ZNF264: variants seen among roughly 807,000 people sequenced by gnomAD.
ZNF264 encodes the protein zinc finger protein 264.
Under a neutral mutation model 11.2 loss-of-function variants are expected in ZNF264, and 11 were observed. The observed-to-expected ratio is 0.98, with a 90% CI of 0.62 to 1.63. The LOEUF (loss-of-function observed/expected upper bound fraction) is 1.63. Among genes scored for constraint, ZNF264 ranks in the 40% most tolerant of loss-of-function variants. ZNF264 has a pLI of 0.00. For synonymous variants in ZNF264, 309 were observed against 279.8 expected (o/e 1.10, Z -1.04); for missense variants, 752 against 768.1 (o/e 0.98, Z 0.25).
chr19:57,192,587 C>T, intron 1 of ZNF264: 1 of 984,962 alleles, frequency 1.0e-6, no homozygotes, highest in South Asian at 4.7e-5. Context: ...TGTGGAATTT[C>T]CTTGGGGGAT....
intron 1 of ZNF264, chr19:57,193,416 T>G: frequency 2.6e-6 from 2 of 757,740 alleles, no homozygotes; most frequent in Non-Finnish European, 3.2e-6. Context: ...ATGCTGTCTT[T>G]GAGGTAAGAG....
At chr19:57,191,969 G>T in intron 1 of ZNF264, 23 bp downstream of exon 1, 1 of 1,527,986 alleles carries the variant, frequency 6.5e-7, no homozygotes, top group Non-Finnish European at 8.8e-7. Context: ...TGGCTTCGCG[G>T]TTGCCGCTTC....
At chr19:57,209,927 A>G (rs894004823) in intron 3 of ZNF264, among the ~76,000 whole-genome samples, 4 of 151,968 alleles carry the variant, frequency 2.6e-5, no homozygotes, top group Admixed American at 2.0e-4. Context: ...CAGCCTGGCC[A>G]TTGGTCATGT....
rs1166544767 is a variant in ZNF264 at position 57,213,209 on chromosome 19, A to C, written c.*228A>C. The stretch of plus-strand genomic sequence containing the variant: ...AGGGGACATAGAAAAAATGAAATGC[A>C]AGCACACATCTTTTCAGGCTTCTCT... On this transcript the variant is annotated 3_prime_UTR_variant, in exon 4 of 4. Coordinates refer to ENST00000263095, the MANE Select transcript of ZNF264 (RefSeq NM_003417.5). The C allele has an allele frequency of 2.4e-6, 1 of 424,542 alleles. No individual in the cohort carries two copies. Among genetic ancestry groups the C allele is most frequent in the Non-Finnish European group, 4.2e-6 (1 of 240,938 alleles). The allele number at this position is 424,542 out of a possible 1,614,324, so 26.3% of individuals were successfully genotyped here. A position where few individuals can be genotyped will look rare whatever the true frequency, so the allele number is the denominator to read the frequency against.
intron 3 of ZNF264, among the ~76,000 whole-genome samples, chr19:57,208,445 G>A (rs1316051936): frequency 6.6e-6 from 1 of 152,114 alleles, no homozygotes; most frequent in East Asian, 1.9e-4. Context: ...TCAGGAGGCT[G>A]AGGTGGGAGG....
rs1189049943 is a variant in ZNF264, at chr19:57,215,183, A to G, written c.*2202A>G. ...CATGTTTGATGACCTCTAGTCAACC[A>G]TTGGGCCAGAGATTTTTCTTCTGGA... On this transcript the variant is annotated 3_prime_UTR_variant, in exon 4 of 4. Coordinates refer to ENST00000263095, the MANE Select transcript of ZNF264 (RefSeq NM_003417.5). 2 of 152,176 alleles carry G rather than the reference A, an allele frequency of 1.3e-5. No individual in the cohort carries two copies. The highest frequency in any genetic ancestry group is 2.9e-5 in the Non-Finnish European group (2 of 68,038). 9.4% of individuals were successfully genotyped at this position (152,176 alleles called of 1,614,324 possible).
At position 57,212,050 on chromosome 19, in the gene ZNF264, C is replaced by A. The variant is rs764201682; in HGVS notation, c.953C>A (p.Thr318Lys). 6.2e-7 allele frequency: 1 copy of A among 1,613,802 alleles called. No individual in the cohort carries two copies. Among genetic ancestry groups the A allele is most frequent in the Middle Eastern group, 1.7e-4 (1 of 6,052 alleles). Residue 318 changes from threonine (T) to lysine (K), a missense_variant, in exon 4 of 4, where the codon ACA becomes AAA. Coordinates refer to ENST00000263095, the MANE Select transcript of ZNF264 (RefSeq NM_003417.5). ...RHTGEKSFVCTECGQVFRHRP... is the reference protein window; with the variant it reads ...RHTGEKSFVCKECGQVFRHRP... ...ACTGGAGAAAAATCCTTTGTGTGCA[C>A]AGAATGTGGCCAAGTCTTTCGACAT... is the stretch of plus-strand genomic sequence containing the variant.
intron 2 of ZNF264, among the ~76,000 whole-genome samples, chr19:57,204,148 G>A (rs922782711): frequency 7.9e-5 from 12 of 151,430 alleles, no homozygotes; most frequent in Admixed American, 2.6e-4. Context: ...CCCGGGAGGC[G>A]GAGCTTGCAG....
chr19:57,204,842 G>A (rs1215562107), intron 2 of ZNF264, among the ~76,000 whole-genome samples: 2 of 152,116 alleles, frequency 1.3e-5, no homozygotes, highest in African/African-American at 4.8e-5. Context: ...GTAGCGTTGT[G>A]GAGCTTTGTG....
chr19:57,207,945 C>T (rs2087306124), intron 3 of ZNF264, among the ~76,000 whole-genome samples: 2 of 152,030 alleles, frequency 1.3e-5, no homozygotes, highest in African/African-American at 2.4e-5. Context: ...AGGCTGGTCT[C>T]GAACTCCTGA....
At chr19:57,193,767 T>A in intron 1 of ZNF264, 108 bp from the exon 2 acceptor site, 1 of 1,480,964 alleles carries the variant, frequency 6.8e-7, no homozygotes, top group Non-Finnish European at 9.2e-7. Flanking sequence ...CAGGAGGTGC[T>A]CTGTGATTCA....
intron 1 of ZNF264, 193 bp from the exon 2 acceptor site, chr19:57,193,682 G>C: frequency 1.6e-6 from 1 of 623,408 alleles, no homozygotes; most frequent in Non-Finnish European, 2.0e-6. Flanking sequence ...TAAATAGGAG[G>C]CTTCTCTCCT....
intron 2 of ZNF264, among the ~76,000 whole-genome samples, chr19:57,197,262 A>T (rs1407808509): frequency 1.3e-5 from 2 of 151,708 alleles, no homozygotes; most frequent in Non-Finnish European, 1.5e-5. Flanking sequence ...TCATCTGATG[A>T]TGGAATGCTG....
intron 3 of ZNF264, among the ~76,000 whole-genome samples, chr19:57,208,010 G>GCC (rs1389820803): frequency 1.3e-5 from 2 of 151,982 alleles, no homozygotes; most frequent in African/African-American, 2.4e-5. Flanking sequence ...ACAGGTGTGA[G>GCC]CCACTGCGCC....
Position 57,203,459 on chromosome 19 carries a change from G to A in ZNF264, c.161-1938G>A, listed in dbSNP as rs549737519. Among the ~76,000 whole-genome samples, 8 of 152,286 alleles carry A rather than the reference G, an allele frequency of 5.3e-5. No individual in the cohort carries two copies. The South Asian group carries it at 1.2e-3, about 24-fold the overall frequency. On this transcript the variant is annotated intron_variant, in intron 2 of 3. Transcript: ENST00000263095. ...GCAACGTCAAGAAAATATGACTACTGTATTTTCATCTGACATGAACCTAAA... is the reference window on the plus strand; with the variant it reads ...GCAACGTCAAGAAAATATGACTACTATATTTTCATCTGACATGAACCTAAA...
At position 57,192,067 on chromosome 19, in the gene ZNF264, G is replaced by T. The variant is rs544641317; in HGVS notation, c.33+121G>T. The T allele has an allele frequency of 5.4e-4, 533 of 995,538 alleles. 1 individual carries two copies. The highest frequency in any genetic ancestry group is 6.9e-4 in the Non-Finnish European group (508 of 740,380). 61.7% of individuals were successfully genotyped at this position (995,538 alleles called of 1,614,324 possible). On this transcript the variant is annotated intron_variant, in intron 1 of 3. Transcript: ENST00000263095. ...TCGCAGTCGTCGTTCGCTTTGGTGT[G>T]TGGAGCTGGTTTGCCACTTAATTTA...
rs144021520 is a variant in ZNF264, at chr19:57,212,248, C to T, written c.1151C>T (p.Ala384Val). 7.4e-6 allele frequency: 12 copies of T among 1,614,040 alleles called. 1 individual carries two copies. In the African/African-American group the frequency reaches 8.0e-5, roughly 11 times the overall value. Residue 384 changes from alanine (A) to valine (V), a missense_variant, in exon 4 of 4, where the codon GCA becomes GTA. Ala to Val is a moderately conservative substitution (Grantham distance 64). Coordinates refer to ENST00000263095, the MANE Select transcript of ZNF264 (RefSeq NM_003417.5). ...TGTGGGAAGGTCTTCTTGGAGAGTG[C>T]AGCCCTGATTCACCACTATGTCATC... The part of the protein sequence containing the change: ...SECGKVFLES[A>V]ALIHHYVIHT...
In ZNF264 at chr19:57,218,336, A is replaced by C. The variant is rs971420606; in HGVS notation, c.*5355A>C. 13 of 152,190 alleles carry C rather than the reference A, an allele frequency of 8.5e-5. No homozygotes were observed. The highest frequency in any genetic ancestry group is 2.9e-4 in the African/African-American group (12 of 41,444). 9.4% of individuals were successfully genotyped at this position (152,190 alleles called of 1,614,324 possible). On this transcript the variant is annotated 3_prime_UTR_variant, in exon 4 of 4. Coordinates refer to ENST00000263095, the MANE Select transcript of ZNF264 (RefSeq NM_003417.5). The stretch of plus-strand genomic sequence containing the variant: ...AATATAAGAAACCTACTAGCATTCA[A>C]ATAATCATTCCCTATTTTACAATGC...
intron 2 of ZNF264, among the ~76,000 whole-genome samples, chr19:57,205,118 C>G (rs1321562320): frequency 6.6e-6 from 1 of 151,950 alleles, no homozygotes; most frequent in Non-Finnish European, 1.5e-5. Context: ...TCAATGAAAT[C>G]ACATACCTTG....
Sources: gnomAD v4.1 joint callset for allele counts (sites outside exome capture counted in the v4.1 genomes callset) on GRCh38, gnomAD v4.1.1 for gene constraint, MANE v1.5 for transcripts, NCBI Gene and HGNC (gene_info 2026-07-23, HGNC 2026-07-21) for gene names.